Variants in SLC9A2 observed in about 807,000 individuals in gnomAD.
The protein encoded by SLC9A2 is solute carrier family 9 member A2.
Under a neutral mutation model 71.7 loss-of-function variants are expected in SLC9A2, and 42 were observed. That is an observed-to-expected ratio of 0.59 (90% confidence interval 0.46 to 0.76). SLC9A2 has a LOEUF of 0.76. Among genes scored for constraint, SLC9A2 ranks in the 30% least tolerant of loss-of-function variants. SLC9A2 has a pLI of 0.00. For missense variants in SLC9A2, 829 were observed against 1,017.4 expected (o/e 0.81, Z 2.52); for synonymous variants, 396 against 392.5 (o/e 1.01, Z -0.10).
At chr2:102,669,122 T>A (rs983902495) in intron 3 of SLC9A2, among the ~76,000 whole-genome samples, 4 of 152,224 alleles carry the variant, frequency 2.6e-5, no homozygotes, top group Non-Finnish European at 1.5e-5. Flanking sequence ...TTGCTGCTAT[T>A]TAATTTTATC....
chr2:102,654,620 A>C (rs1299252638), intron 1 of SLC9A2, among the ~76,000 whole-genome samples: 1 of 152,194 alleles, frequency 6.6e-6, no homozygotes, highest in Non-Finnish European at 1.5e-5. Flanking sequence ...AACTTCTGTG[A>C]CTGTAAGTAT....
intron 3 of SLC9A2, among the ~76,000 whole-genome samples, chr2:102,682,693 A>G (rs1677476793): frequency 6.6e-6 from 1 of 152,210 alleles, no homozygotes; most frequent in Non-Finnish European, 1.5e-5. Context: ...TGAGACTCAG[A>G]ACTAAGGATA....
chr2:102,667,854 G>A (rs1265677243), intron 3 of SLC9A2, among the ~76,000 whole-genome samples: 2 of 151,898 alleles, frequency 1.3e-5, no homozygotes, highest in African/African-American at 2.4e-5. Context: ...TGGATCAATC[G>A]AGGTCAGGAG....
At chr2:102,662,247 G>A (rs1171313970) in intron 2 of SLC9A2, among the ~76,000 whole-genome samples, 1 of 152,220 alleles carries the variant, frequency 6.6e-6, no homozygotes, top group Non-Finnish European at 1.5e-5. Context: ...TAGATTTGAT[G>A]CATTAAGTTG....
chr2:102,708,625 C>A lies in SLC9A2; in HGVS notation c.*136C>A. On this transcript the variant is annotated 3_prime_UTR_variant, in exon 12 of 12. Coordinates refer to ENST00000233969, the MANE Select transcript of SLC9A2 (RefSeq NM_003048.6). Reference sequence around the variant, plus strand: ...ACTTCTGGAGGGCGACAGATTCATGCCACGGATAAATGAGGCAAATCCGAA... The same window carrying A: ...ACTTCTGGAGGGCGACAGATTCATGACACGGATAAATGAGGCAAATCCGAA... 9.5e-7 allele frequency: 1 copy of A among 1,047,656 alleles called. No individual in the cohort carries two copies. Among genetic ancestry groups the A allele is most frequent in the Non-Finnish European group, 1.4e-6 (1 of 732,036 alleles). The allele number at this position is 1,047,656 out of a possible 1,614,324, so 64.9% of individuals were successfully genotyped here.
chr2:102,665,998 G>C (rs867697166), intron 3 of SLC9A2, among the ~76,000 whole-genome samples: 2 of 151,874 alleles, frequency 1.3e-5, no homozygotes, highest in Non-Finnish European at 2.9e-5. Context: ...GGTTGCCCAC[G>C]TGGGAACCTA....
intron 3 of SLC9A2, among the ~76,000 whole-genome samples, chr2:102,670,599 CAAAAA>C (rs66543071): frequency 1.3e-4 from 10 of 79,974 alleles, no homozygotes; most frequent in Non-Finnish European, 1.9e-4. Context: ...CTCCCCCCAC[CAAAAA>C]AAAAAAAAAA....
At chr2:102,666,235 G>A (rs1296435053) in intron 3 of SLC9A2, among the ~76,000 whole-genome samples, 2 of 123,042 alleles carry the variant, frequency 1.6e-5, no homozygotes, top group Non-Finnish European at 3.1e-5. Context: ...TCGCTCTCTC[G>A]CCTAGGCTTG....
At chr2:102,640,700 T>C (rs1676558556) in intron 1 of SLC9A2, among the ~76,000 whole-genome samples, 2 of 152,246 alleles carry the variant, frequency 1.3e-5, no homozygotes, top group South Asian at 4.1e-4. Context: ...TTTAGGGTCT[T>C]CATGGAGGGC....
chr2:102,666,051 G>C (rs961631385), intron 3 of SLC9A2, among the ~76,000 whole-genome samples: 1 of 152,122 alleles, frequency 6.6e-6, no homozygotes, highest in Non-Finnish European at 1.5e-5. Context: ...TGCTCTTGGA[G>C]TTCTGGAATG....
rs192523575 is a variant in SLC9A2 at position 102,680,132 on chromosome 2, T to G, written c.1005-3129T>G. Among the ~76,000 whole-genome samples, 28 of 150,536 alleles carry G rather than the reference T, an allele frequency of 1.9e-4. 1 individual carries two copies. In the East Asian group the frequency reaches 5.2e-3, roughly 28 times the overall value. On this transcript the variant is annotated intron_variant, in intron 3 of 11. Transcript: ENST00000233969. The stretch of plus-strand genomic sequence containing the variant: ...AATATATGTCCATTATAAATTAGTT[T>G]TATTACAAATTTTCTACTTGGCAAC...
rs1438404666 is a variant in SLC9A2 at position 102,657,799 on chromosome 2, A to G, written c.525A>G (p.Val175=). The G allele has an allele frequency of 5.0e-6, 8 of 1,614,198 alleles. No individual in the cohort carries two copies. Among genetic ancestry groups the G allele is most frequent in the South Asian group, 1.1e-5 (1 of 91,076 alleles). The stretch of plus-strand genomic sequence containing the variant: ...GCACGATTTTCTGGTATGCTGTGGT[A>G]GGGACACTTTGGAATTCCATTGGCA... The part of the protein sequence containing the change: ...NIGTIFWYAV[V]GTLWNSIGIG... The change falls in exon 2 of 12, where the codon GTA becomes GTG. Residue 175 remains valine, a synonymous_variant. Transcript: ENST00000233969.
chr2:102,683,063 G>C (rs866488370), intron 3 of SLC9A2, among the ~76,000 whole-genome samples, 198 bp from the exon 4 acceptor site: 1 of 152,234 alleles, frequency 6.6e-6, no homozygotes, highest in Middle Eastern at 3.4e-3. Context: ...GTTCAGCCAG[G>C]GTTGCTAAAG....
At chr2:102,703,223 C>T (rs1010540071) in intron 9 of SLC9A2, among the ~76,000 whole-genome samples, 11 of 152,174 alleles carry the variant, frequency 7.2e-5, no homozygotes, top group African/African-American at 2.7e-4. Context: ...CCTACAGTAC[C>T]TTTTAATTTA....
intron 2 of SLC9A2, among the ~76,000 whole-genome samples, chr2:102,664,051 G>C (rs2104524684): frequency 1.3e-5 from 2 of 152,176 alleles, no homozygotes; most frequent in Middle Eastern, 6.8e-3. Context: ...CGAGGTGGGT[G>C]GATCTCTTGA....
intron 1 of SLC9A2, among the ~76,000 whole-genome samples, chr2:102,625,591 A>C (rs1238073621): frequency 6.6e-6 from 1 of 150,908 alleles, no homozygotes; most frequent in Non-Finnish European, 1.5e-5. Context: ...TGTTCTTGCG[A>C]TAGTTTGCTG....
chr2:102,658,926 G>C (rs1676998337), intron 2 of SLC9A2, among the ~76,000 whole-genome samples: 1 of 152,144 alleles, frequency 6.6e-6, no homozygotes, highest in Non-Finnish European at 1.5e-5. Context: ...TAGTAGTAAA[G>C]GTGACAGTAA....
intron 5 of SLC9A2, among the ~76,000 whole-genome samples, chr2:102,692,466 C>G (rs995579102): frequency 6.6e-6 from 1 of 152,154 alleles, no homozygotes; most frequent in African/African-American, 2.4e-5. Context: ...CCCTCTGTCC[C>G]TGAAATCCTA....
chr2:102,699,689 C>T (rs1677838437), intron 7 of SLC9A2, among the ~76,000 whole-genome samples: 1 of 152,112 alleles, frequency 6.6e-6, no homozygotes, highest in African/African-American at 2.4e-5. Flanking sequence ...AACCAAAGTA[C>T]CACAGATTGA....
Sources: gnomAD v4.1 joint callset for allele counts (sites outside exome capture counted in the v4.1 genomes callset) on GRCh38, gnomAD v4.1.1 for gene constraint, MANE v1.5 for transcripts, NCBI Gene and HGNC (gene_info 2026-07-23, HGNC 2026-07-21) for gene names.